Variants in MAST4 observed in about 807,000 individuals in gnomAD.
MAST4 encodes the protein microtubule-associated serine/threonine-protein kinase 4.
A neutral mutation model predicts 162.7 loss-of-function variants in MAST4; 89 were observed. The observed-to-expected ratio is 0.55, with a 90% CI of 0.46 to 0.65. The LOEUF (loss-of-function observed/expected upper bound fraction) is 0.65. Ranked by LOEUF, MAST4 falls within the 30% of genes least tolerant of loss-of-function variation. The pLI, the probability that MAST4 is intolerant of heterozygous loss-of-function variation, is 0.00. For synonymous variants in MAST4, 1,479 were observed against 1,361.1 expected (o/e 1.09, Z -1.91); for missense variants, 3,153 against 3,374.0 (o/e 0.93, Z 1.62).
intron 2 of MAST4, among the ~76,000 whole-genome samples, chr5:66,773,171 A>G (rs78318543): frequency 0.012 from 1,779 of 152,300 alleles, 40 homozygotes; most frequent in African/African-American, 0.04. Context: ...CACAGGAAAA[A>G]GAGTAGGTCA....
intron 1 of MAST4, among the ~76,000 whole-genome samples, chr5:66,736,661 G>A (rs2149564615): frequency 6.6e-6 from 1 of 152,322 alleles, no homozygotes; most frequent in South Asian, 2.1e-4. Context: ...CTGCAGTCCT[G>A]CATTCAGGTA....
intron 3 of MAST4, among the ~76,000 whole-genome samples, chr5:66,822,067 T>C (rs1366662050): frequency 1.3e-5 from 2 of 152,178 alleles, no homozygotes; most frequent in Non-Finnish European, 2.9e-5. Context: ...AATATTTTCA[T>C]TTTACAAATG....
At position 67,164,498 on chromosome 5, in the gene MAST4, C is replaced by G; in HGVS notation, c.5319C>G (p.Gly1773=). 6.2e-7 allele frequency: 1 copy of G among 1,614,022 alleles called. No individual in the cohort carries two copies. Among genetic ancestry groups the G allele is most frequent in the South Asian group, 1.1e-5 (1 of 91,088 alleles). Residue 1773 remains glycine, a synonymous_variant, in exon 29 of 29, where the codon GGC becomes GGG. Transcript: ENST00000403625. The surrounding 1 kb of genome is among the most constrained non-coding windows in gnomAD (Gnocchi z 5.3). The part of the protein sequence containing the change: ...GRVDSGTEKP[G]LVAPESPVRK... Reference sequence around the variant, plus strand: ...TGGACAGTGGAACGGAGAAGCCTGGCTTGGTTGCTCCTGAGTCCCCTGTTA... The same window carrying G: ...TGGACAGTGGAACGGAGAAGCCTGGGTTGGTTGCTCCTGAGTCCCCTGTTA...
intron 3 of MAST4, among the ~76,000 whole-genome samples, chr5:66,824,620 G>T (rs945858407): frequency 1.3e-5 from 2 of 152,244 alleles, no homozygotes; most frequent in African/African-American, 4.8e-5. Flanking sequence ...CTAGTGAAGA[G>T]AGGTAACTTA....
Position 66,759,721 on chromosome 5 carries a change from T to G in MAST4, c.376T>G (p.Leu126Val), listed in dbSNP as rs946407028. Residue 126 changes from leucine to valine, a missense_variant, in exon 2 of 29, where the codon TTA (leucine) becomes GTA (valine). Physicochemically the swap from Leu to Val is conservative, Grantham distance 32 (BLOSUM62 1). Transcript: ENST00000403625. ...EEQDEELDHI[L>V]SPPPMPFRKC... ...CCTCTTTCTGCAGCTTGACCACATA[T>G]TATCCCCTCCACCCATGCCGTTTCG... 1.5e-5 allele frequency: 24 copies of G among 1,613,778 alleles called. No homozygotes were observed. Among genetic ancestry groups the G allele is most frequent in the Non-Finnish European group, 1.5e-5 (18 of 1,179,842 alleles).
At chr5:67,053,789 C>T (rs1288073767) in intron 4 of MAST4, among the ~76,000 whole-genome samples, 1 of 152,140 alleles carries the variant, frequency 6.6e-6, no homozygotes, top group Non-Finnish European at 1.5e-5. Context: ...AGCTAGCATG[C>T]TTGTGAAAGA....
chr5:66,934,963 C>T (rs528224514), intron 4 of MAST4, among the ~76,000 whole-genome samples: 5 of 152,154 alleles, frequency 3.3e-5, no homozygotes, highest in Admixed American at 6.5e-5. Flanking sequence ...GTTAGGATCA[C>T]GTCCACAGTG....
At chr5:66,975,850 C>T (rs1050023326) in intron 4 of MAST4, among the ~76,000 whole-genome samples, 2 of 152,096 alleles carry the variant, frequency 1.3e-5, no homozygotes, top group Non-Finnish European at 2.9e-5. Context: ...CAAAAATTAG[C>T]TGGGCTTGGT....
intron 5 of MAST4, among the ~76,000 whole-genome samples, chr5:67,061,782 G>GTTTTC (rs1561595250): frequency 3.1e-4 from 46 of 150,548 alleles, no homozygotes; most frequent in African/African-American, 1.1e-3. Context: ...TGTCAGTATA[G>GTTTTC]GATGATGGTT....
intron 1 of MAST4, among the ~76,000 whole-genome samples, chr5:66,714,238 GGT>G (rs1218724134): frequency 7.2e-5 from 11 of 152,214 alleles, no homozygotes; most frequent in African/African-American, 2.6e-4. Context: ...GTCACCTGAG[GGT>G]GTGAAAATCA....
chr5:66,999,836 A>G (rs1751078508), intron 4 of MAST4, among the ~76,000 whole-genome samples: 2 of 151,892 alleles, frequency 1.3e-5, no homozygotes, highest in South Asian at 2.1e-4. Flanking sequence ...AACCTTGCCT[A>G]TTATCTGTCT....
At position 67,025,295 on chromosome 5, in the gene MAST4, C is replaced by T. The variant is rs181465029; in HGVS notation, c.675-29109C>T. On this transcript the variant is annotated intron_variant, in intron 4 of 28. Coordinates refer to ENST00000403625, the MANE Select transcript of MAST4 (RefSeq NM_001164664.2). Reference sequence around the variant, plus strand: ...ATCTAGAGGCATGTCTAGTAACTACCGTAACTTTGAAGTGATAATGAATAC... The same window carrying T: ...ATCTAGAGGCATGTCTAGTAACTACTGTAACTTTGAAGTGATAATGAATAC... Among the ~76,000 whole-genome samples the T allele has an allele frequency of 2.9e-3, 448 of 152,010 alleles. 2 individuals carry two copies. Among genetic ancestry groups the T allele is most frequent in the South Asian group, 9.5e-3 (46 of 4,820 alleles).
chr5:66,675,542 A>G (rs1217631318), intron 1 of MAST4, among the ~76,000 whole-genome samples: 1 of 152,146 alleles, frequency 6.6e-6, no homozygotes, highest in African/African-American at 2.4e-5. Flanking sequence ...GTCATAACTG[A>G]TTGAGCATCT....
intron 3 of MAST4, among the ~76,000 whole-genome samples, chr5:66,841,491 C>A (rs2149788365): frequency 6.6e-6 from 1 of 152,286 alleles, no homozygotes; most frequent in African/African-American, 2.4e-5. Flanking sequence ...GTTCTGGAGA[C>A]TCAGAAGTCT....
Position 66,791,198 on chromosome 5 carries a change from A to G in MAST4, c.642+2404A>G, listed in dbSNP as rs530765311. Among the ~76,000 whole-genome samples, 5 of 152,124 alleles carry G rather than the reference A, an allele frequency of 3.3e-5. No homozygotes were observed. The South Asian group carries it at 1.0e-3, about 32-fold the overall frequency. ...ACCACCACGCCTGACTAATTTTTGC[A>G]TTTTTGGTAGAGACGGCGTTTTGCC... is the stretch of plus-strand genomic sequence containing the variant. On this transcript the variant is annotated intron_variant, in intron 3 of 28. Transcript: ENST00000403625.
chr5:67,011,824 T>C (rs1342919410), intron 4 of MAST4, among the ~76,000 whole-genome samples: 4 of 152,160 alleles, frequency 2.6e-5, no homozygotes, highest in African/African-American at 9.7e-5. Flanking sequence ...CCCTGGAATA[T>C]GTAGGTCTTT....
chr5:66,668,544 C>T (rs1479803854), intron 1 of MAST4, among the ~76,000 whole-genome samples: 3 of 152,138 alleles, frequency 2.0e-5, no homozygotes, highest in Non-Finnish European at 4.4e-5. Context: ...AGATTTGCCA[C>T]GTATCCTAGT....
chr5:67,144,014 GA>G (rs1299219508), intron 21 of MAST4, among the ~76,000 whole-genome samples: 1 of 151,666 alleles, frequency 6.6e-6, no homozygotes, highest in Non-Finnish European at 1.5e-5. Flanking sequence ...TCTCTTATGA[GA>G]CAACAGAGAT....
At chr5:67,115,170 C>T (rs1766737297) in intron 12 of MAST4, 1 of 151,934 alleles carries the variant, frequency 6.6e-6, no homozygotes, top group African/African-American at 2.4e-5. Context: ...TGGTAAACCA[C>T]TCCCCCTACA....
Sources: allele counts gnomAD v4.1 joint callset (sites outside exome capture counted in the v4.1 genomes callset), GRCh38; gene constraint gnomAD v4.1.1; non-coding constraint Gnocchi (gnomAD v3.1); transcripts MANE v1.5; gene names NCBI Gene and HGNC (gene_info 2026-07-23, HGNC 2026-07-21).